Variants in PRR5 observed in about 807,000 individuals in gnomAD.
PRR5 encodes proline-rich protein 5.
A neutral mutation model predicts 30.6 loss-of-function variants in PRR5; 25 were observed. That is an observed-to-expected ratio of 0.82 (90% confidence interval 0.60 to 1.14). The LOEUF (loss-of-function observed/expected upper bound fraction) is 1.14, where lower values mean the gene tolerates loss of function less well. Ranked by LOEUF, PRR5 falls within the 50% of genes most tolerant of loss-of-function variation. The pLI is 0.00. For synonymous variants in PRR5, 286 were observed against 247.1 expected (o/e 1.16, Z -1.48); for missense variants, 600 against 547.1 (o/e 1.10, Z -0.96).
chr22:44,687,715 G>A (rs926739176), intron 1 of PRR5, among the ~76,000 whole-genome samples: 3 of 152,030 alleles, frequency 2.0e-5, no homozygotes, highest in African/African-American at 7.2e-5. Flanking sequence ...TAAACCCTCC[G>A]TCTCAACACC....
intron 1 of PRR5, among the ~76,000 whole-genome samples, chr22:44,711,691 G>A (rs1406772705): frequency 1.3e-5 from 2 of 152,186 alleles, no homozygotes; most frequent in African/African-American, 4.8e-5. Context: ...TCCACCGTCC[G>A]CTGTAAGGGA....
At chr22:44,676,212 A>G (rs1369120213), upstream of PRR5, among the ~76,000 whole-genome samples, 2 of 151,730 alleles carry the variant, frequency 1.3e-5, no homozygotes, top group African/African-American at 4.8e-5. Flanking sequence ...AGCAAGACCC[A>G]GTCTCTATTA....
upstream of PRR5, among the ~76,000 whole-genome samples, chr22:44,675,723 G>A (rs1258625978): frequency 6.6e-6 from 1 of 151,646 alleles, no homozygotes; most frequent in African/African-American, 2.4e-5. Flanking sequence ...GGCATGTGGT[G>A]GGGCTTAAAA....
At chr22:44,702,181 G>A (rs1926399759), upstream of PRR5, 1 of 943,572 alleles carries the variant, frequency 1.1e-6, no homozygotes, top group African/African-American at 1.8e-5. Flanking sequence ...CCCGCCCCTG[G>A]GCCCGCCCCC....
At chr22:44,704,833 G>A (rs2147021239) in intron 1 of PRR5, among the ~76,000 whole-genome samples, 1 of 152,262 alleles carries the variant, frequency 6.6e-6, no homozygotes, top group East Asian at 1.9e-4. Context: ...CCCAGCAGAT[G>A]TGGGAGATGG....
chr22:44,735,286 C>T (rs2071850), intron 7 of PRR5, 124 bp downstream of exon 7: 43,565 of 1,329,230 alleles, frequency 0.033, 1,099 homozygotes, highest in Admixed American at 0.094. Context: ...GGTTCTCAGC[C>T]GGGCAGCAGC....
At chr22:44,723,459 C>T (rs549875736) in intron 2 of PRR5, among the ~76,000 whole-genome samples, 1 of 152,198 alleles carries the variant, frequency 6.6e-6, no homozygotes, top group Non-Finnish European at 1.5e-5. Flanking sequence ...GTGGCTCACG[C>T]CTGTAATCCC....
intron 1 of PRR5, among the ~76,000 whole-genome samples, chr22:44,704,993 T>C (rs1357764072): frequency 3.3e-5 from 5 of 152,068 alleles, no homozygotes; most frequent in Non-Finnish European, 5.9e-5. Context: ...CTGTGCAGGG[T>C]CGGGGACAGG....
intron 1 of PRR5, among the ~76,000 whole-genome samples, chr22:44,706,787 C>T (rs1927274450): frequency 6.6e-6 from 1 of 152,142 alleles, no homozygotes; most frequent in African/African-American, 2.4e-5. Flanking sequence ...CTCAGTCTCC[C>T]AGAGTGCTGG....
intron 1 of PRR5, among the ~76,000 whole-genome samples, chr22:44,710,084 C>T (rs569559805): frequency 1.5e-4 from 23 of 152,200 alleles, no homozygotes; most frequent in East Asian, 9.7e-4. Flanking sequence ...GGATGTGAGG[C>T]GGGTAGGCAA....
At chr22:44,682,121 C>T (rs1274927931) in intron 1 of PRR5, among the ~76,000 whole-genome samples, 1 of 152,172 alleles carries the variant, frequency 6.6e-6, no homozygotes, top group Admixed American at 6.5e-5. Context: ...AGGAGAGGAG[C>T]CAGCCCAATG....
rs769880055 is a variant in PRR5, at chr22:44,736,933, G to C, written c.853G>C (p.Glu285Gln). ...GTSIRRHSVSEMTSCPEPQGF... is the reference protein window; with the variant it reads ...GTSIRRHSVSQMTSCPEPQGF... Reference sequence around the variant, plus strand: ...CAGCATCCGCAGGCACTCTGTGTCGGAGATGACGTCCTGCCCCGAGCCTCA... The same window carrying C: ...CAGCATCCGCAGGCACTCTGTGTCGCAGATGACGTCCTGCCCCGAGCCTCA... Residue 285 changes from glutamate (E) to glutamine (Q), a missense_variant, in exon 8 of 8, where the codon GAG (glutamate) becomes CAG (glutamine). By Grantham distance (29) the Glu-to-Gln change is conservative. Transcript: ENST00000336985. 1.3e-5 allele frequency: 21 copies of C among 1,607,322 alleles called. No individual in the cohort carries two copies. The highest frequency in any genetic ancestry group is 2.2e-5 in the East Asian group (1 of 44,800).
chr22:44,689,899 T>C (rs1305897678), intron 1 of PRR5, among the ~76,000 whole-genome samples: 1 of 152,228 alleles, frequency 6.6e-6, no homozygotes, highest in Non-Finnish European at 1.5e-5. Flanking sequence ...TCTGCCCGCC[T>C]CGGCTTCCCA....
chr22:44,732,782 C>T (rs530256052), intron 6 of PRR5, among the ~76,000 whole-genome samples: 1,292 of 106,510 alleles, frequency 0.012, 18 homozygotes, highest in African/African-American at 0.064. Context: ...CCTGTGTGCA[C>T]GCACATACTA....
intron 1 of PRR5, among the ~76,000 whole-genome samples, chr22:44,703,072 A>T (rs1428859848): frequency 6.6e-6 from 1 of 152,090 alleles, no homozygotes; most frequent in South Asian, 2.1e-4. Context: ...CTTTCCCTTG[A>T]GAGGCCCCCT....
upstream of PRR5, among the ~76,000 whole-genome samples, chr22:44,701,035 A>G (rs1026833447): frequency 6.6e-6 from 1 of 150,402 alleles, no homozygotes; most frequent in African/African-American, 2.5e-5. Context: ...GGCATGCACC[A>G]CCACGCCCAG....
chr22:44,726,128 C>T (rs996690832), intron 3 of PRR5, among the ~76,000 whole-genome samples: 1 of 152,178 alleles, frequency 6.6e-6, no homozygotes, highest in African/African-American at 2.4e-5. Flanking sequence ...TTGGCGGGTG[C>T]TTGGGTTGCT....
At chr22:44,718,048 T>C (rs148482149) in intron 2 of PRR5, among the ~76,000 whole-genome samples, 1,577 of 152,244 alleles carry the variant, frequency 0.01, 18 homozygotes, top group Middle Eastern at 0.027. Flanking sequence ...CCATATCATA[T>C]TCTATCGTGT....
chr22:44,673,884 G>A (rs2146925483), upstream of PRR5, among the ~76,000 whole-genome samples: 1 of 152,302 alleles, frequency 6.6e-6, no homozygotes, highest in East Asian at 1.9e-4. Flanking sequence ...TGAGAGAGGA[G>A]TAAAATGCTC....
Sources: allele counts gnomAD v4.1 joint callset (sites outside exome capture counted in the v4.1 genomes callset), GRCh38; gene constraint gnomAD v4.1.1; transcripts MANE v1.5; gene names NCBI Gene and HGNC (gene_info 2026-07-23, HGNC 2026-07-21).